The following AOAH variants were observed in gnomAD, a reference collection of about 807,000 sequenced individuals.
The protein encoded by AOAH is acyloxyacyl hydrolase (neutrophil).
AOAH carries 64 observed loss-of-function variants against 92.2 expected under a neutral mutation model. That is an observed-to-expected ratio of 0.69 (90% CI 0.57 to 0.86). The LOEUF is 0.86. AOAH is among the 40% of genes least tolerant of loss of function. The pLI is 0.00. For missense variants in AOAH, 656 were observed against 694.6 expected (o/e 0.94, Z 0.62); for synonymous variants, 263 against 254.5 (o/e 1.03, Z -0.32).
chr7:36,616,456 A>T lies in AOAH; in HGVS notation c.770T>A (p.Ile257Asn), dbSNP rs766056088. 1.4e-5 allele frequency: 22 copies of T among 1,613,962 alleles called. No individual in the cohort carries two copies. Among genetic ancestry groups the T allele is most frequent in the Non-Finnish European group, 1.4e-5 (16 of 1,179,960 alleles). Residue 257 changes from isoleucine to asparagine, a missense_variant, in exon 11 of 21, where the codon ATC becomes AAC. Coordinates refer to ENST00000617537, the MANE Select transcript of AOAH (RefSeq NM_001637.4). Reference sequence around the variant, plus strand: ...CCCAGCTGAGTCTCCCAGCAAAATGATTCCCCTGGGCTGTGAACCTAGGCA... The same window carrying T: ...CCCAGCTGAGTCTCCCAGCAAAATGTTTCCCCTGGGCTGTGAACCTAGGCA... The part of the protein sequence containing the change: ...KFCEGSQPRG[I>N]ILLGDSAGAH...
chr7:36,607,241 C>G (rs3735389), intron 11 of AOAH, among the ~76,000 whole-genome samples: 5,920 of 152,288 alleles, frequency 0.039, 393 homozygotes, highest in African/African-American at 0.13. Flanking sequence ...GAAGTATCAA[C>G]TAGCCTCATA....
At chr7:36,679,407 G>A (rs1046868506) in intron 2 of AOAH, among the ~76,000 whole-genome samples, 1 of 151,236 alleles carries the variant, frequency 6.6e-6, no homozygotes, top group Non-Finnish European at 1.5e-5. Context: ...GACTTAGAGA[G>A]CTTAAGATCA....
intron 12 of AOAH, among the ~76,000 whole-genome samples, chr7:36,591,702 AG>A (rs1789756267): frequency 6.6e-6 from 1 of 152,236 alleles, no homozygotes; most frequent in African/African-American, 2.4e-5. Context: ...GTGGGAGGAC[AG>A]AACAGATGCA....
At chr7:36,713,246 G>C (rs1798894166) in intron 1 of AOAH, among the ~76,000 whole-genome samples, 1 of 152,130 alleles carries the variant, frequency 6.6e-6, no homozygotes, top group African/African-American at 2.4e-5. Flanking sequence ...ATTACTTAAT[G>C]GTAAAGGGAT....
chr7:36,609,891 C>T (rs1402515776), intron 11 of AOAH, among the ~76,000 whole-genome samples: 1 of 151,898 alleles, frequency 6.6e-6, no homozygotes, highest in South Asian at 2.1e-4. Context: ...TGCTGCTGGG[C>T]CTGCAGAGAT....
chr7:36,632,187 T>C, intron 5 of AOAH, 81 bp from the exon 6 acceptor site: 1 of 1,183,452 alleles, frequency 8.4e-7, no homozygotes, highest in South Asian at 1.4e-5. Flanking sequence ...CCTCTGAACT[T>C]GAGGTTTCTG....
chr7:36,561,810 A>G (rs1787289506), intron 13 of AOAH, among the ~76,000 whole-genome samples: 1 of 152,194 alleles, frequency 6.6e-6, no homozygotes, highest in South Asian at 2.1e-4. Flanking sequence ...CAGAACACCC[A>G]CAGAGCTTGA....
At chr7:36,641,417 G>A (rs950033068) in intron 4 of AOAH, among the ~76,000 whole-genome samples, 21 of 152,154 alleles carry the variant, frequency 1.4e-4, no homozygotes, top group Middle Eastern at 3.4e-3. Flanking sequence ...CAGGGGCTTC[G>A]GGCTCTGGGC....
intron 11 of AOAH, among the ~76,000 whole-genome samples, chr7:36,615,957 CCT>C (rs1021884012): frequency 2.6e-5 from 4 of 152,076 alleles, no homozygotes; most frequent in African/African-American, 4.8e-5. Context: ...TTGTCTGTCC[CCT>C]GATGCCTTCC....
chr7:36,663,975 T>C (rs1193660629), intron 3 of AOAH, among the ~76,000 whole-genome samples: 1 of 152,200 alleles, frequency 6.6e-6, no homozygotes, highest in African/African-American at 2.4e-5. Context: ...TTGAGCTTCT[T>C]TTCATAAGTT....
intron 1 of AOAH, among the ~76,000 whole-genome samples, chr7:36,693,671 T>A (rs6462697): frequency 0.56 from 84,923 of 151,906 alleles, 24,140 homozygotes; most frequent in East Asian, 0.83. Context: ...GTTAGTAAAA[T>A]TAGCTTATCT....
chr7:36,605,527 C>CAGA (rs1277253077), intron 11 of AOAH, among the ~76,000 whole-genome samples: 1 of 152,226 alleles, frequency 6.6e-6, no homozygotes, highest in Admixed American at 6.5e-5. Context: ...CCTCCTGATA[C>CAGA]AGAAGTCTTT....
intron 1 of AOAH, among the ~76,000 whole-genome samples, chr7:36,708,501 G>A (rs1798566187): frequency 6.6e-6 from 1 of 151,916 alleles, no homozygotes; most frequent in Admixed American, 6.6e-5. Flanking sequence ...TTAATTCTGT[G>A]GATATCCCCA....
At chr7:36,722,516 A>G (rs1341304994) in intron 1 of AOAH, among the ~76,000 whole-genome samples, 2 of 152,192 alleles carry the variant, frequency 1.3e-5, no homozygotes, top group Admixed American at 1.3e-4. Context: ...AAAAGGTGGC[A>G]AATAGTTATT....
At chr7:36,530,907 ATTC>A (rs1006696251) in intron 18 of AOAH, among the ~76,000 whole-genome samples, 20 of 152,348 alleles carry the variant, frequency 1.3e-4, no homozygotes, top group Admixed American at 4.6e-4. Flanking sequence ...TGGCCCAGTA[ATTC>A]TTCTAGGAAT....
Position 36,530,417 on chromosome 7 carries a change from C to G in AOAH, c.1522+1G>C. The stretch of plus-strand genomic sequence containing the variant: ...GTCAATACCCAAACAAAGCTACTTA[C>G]TTTCATGGAAGGCAAAATCCATGTA... On this transcript the variant is annotated splice_donor_variant, in intron 19 of 20. Transcript: ENST00000617537. LOFTEE classifies it high-confidence loss of function. 1 of 1,605,892 alleles carries G rather than the reference C, an allele frequency of 6.2e-7. No homozygotes were observed. The highest frequency in any genetic ancestry group is 2.2e-5 in the East Asian group (1 of 44,850).
chr7:36,578,451 G>A (rs1057177689), intron 12 of AOAH, among the ~76,000 whole-genome samples: 1 of 152,222 alleles, frequency 6.6e-6, no homozygotes, highest in Non-Finnish European at 1.5e-5. Flanking sequence ...TTGAGGTGGT[G>A]AGTCTCACAG....
At chr7:36,555,816 G>A (rs1401344043) in intron 13 of AOAH, among the ~76,000 whole-genome samples, 1 of 152,194 alleles carries the variant, frequency 6.6e-6, no homozygotes, top group African/African-American at 2.4e-5. Flanking sequence ...GTATTTCTGT[G>A]GGATCGGTGG....
intron 12 of AOAH, among the ~76,000 whole-genome samples, chr7:36,581,247 G>A (rs1788908912): frequency 6.6e-6 from 1 of 152,188 alleles, no homozygotes; most frequent in Admixed American, 6.5e-5. Context: ...ACCAGCTTAG[G>A]ATGCAGCTCT....
Sources: gnomAD v4.1 joint callset for allele counts (sites outside exome capture counted in the v4.1 genomes callset) on GRCh38, gnomAD v4.1.1 for gene constraint, MANE v1.5 for transcripts, NCBI Gene and HGNC (gene_info 2026-07-23, HGNC 2026-07-21) for gene names.